The following TTPA variants were observed in gnomAD, a reference collection of about 807,000 sequenced individuals.
TTPA encodes alpha-tocopherol transfer protein.
A neutral mutation model predicts 25.9 loss-of-function variants in TTPA; 23 were observed. That is an observed-to-expected ratio of 0.89 (90% confidence interval 0.64 to 1.26). The LOEUF (loss-of-function observed/expected upper bound fraction) is 1.26, where lower values mean the gene tolerates loss of function less well. Ranked by LOEUF, TTPA falls within the 50% of genes most tolerant of loss-of-function variation. TTPA has a pLI of 0.00. For missense variants in TTPA, 337 were observed against 353.1 expected, an observed-to-expected ratio of 0.95 and a Z score of 0.37; for synonymous variants, 148 against 137.3, an observed-to-expected ratio of 1.08 and a Z score of -0.54.
chr8:63,075,717 A>AAAG (rs1805552609), intron 1 of TTPA, among the ~76,000 whole-genome samples: 10 of 147,144 alleles, frequency 6.8e-5, no homozygotes, highest in African/African-American at 1.5e-4. Flanking sequence ...AAAAAAAAAA[A>AAAG]AAAAGTAAAG....
intron 3 of TTPA, among the ~76,000 whole-genome samples, chr8:63,065,466 G>T (rs966889581): frequency 6.6e-6 from 1 of 151,952 alleles, no homozygotes; most frequent in Non-Finnish European, 1.5e-5. Flanking sequence ...TTATTCCTTA[G>T]CTAGTTTCCC....
intron 4 of TTPA, 113 bp from the exon 5 acceptor site, chr8:63,061,538 G>T: frequency 1.1e-6 from 1 of 870,312 alleles, no homozygotes; most frequent in Non-Finnish European, 1.8e-6. Flanking sequence ...TGTATAAATA[G>T]ATACCACATC....
chr8:63,064,661 A>G (rs555194733), intron 3 of TTPA, among the ~76,000 whole-genome samples: 1 of 152,346 alleles, frequency 6.6e-6, no homozygotes, highest in African/African-American at 2.4e-5. Flanking sequence ...TTCCCAAAAA[A>G]TGTTTATTTT....
At chr8:63,077,778 TC>T (rs1236998814) in intron 1 of TTPA, among the ~76,000 whole-genome samples, 1 of 152,142 alleles carries the variant, frequency 6.6e-6, no homozygotes, top group East Asian at 1.9e-4. Context: ...GACTTAAACG[TC>T]CCTGTCTGAC....
chr8:63,061,294 C>A lies in TTPA; in HGVS notation c.795G>T (p.Lys265Asn), dbSNP rs1218351311. Residue 265 changes from lysine (K) to asparagine (N), a missense_variant, in exon 5 of 5, where the codon AAG (lysine) becomes AAT (asparagine). Coordinates refer to ENST00000260116, the MANE Select transcript of TTPA (RefSeq NM_000370.3). ...ICQEWTNFIM[K>N]SEDYLSSISE... ...AAATGCTGCTGAGATAATCTTCAGACTTCATTATAAAATTTGTCCATTCCT... is the reference window on the plus strand; with the variant it reads ...AAATGCTGCTGAGATAATCTTCAGAATTCATTATAAAATTTGTCCATTCCT... The A allele has an allele frequency of 3.7e-6, 6 of 1,613,734 alleles. No homozygotes were observed. The highest frequency in any genetic ancestry group is 5.1e-6 in the Non-Finnish European group (6 of 1,179,934).
At chr8:63,084,106 G>A (rs1805709064) in intron 1 of TTPA, among the ~76,000 whole-genome samples, 1 of 152,028 alleles carries the variant, frequency 6.6e-6, no homozygotes, top group African/African-American at 2.4e-5. Context: ...GGCTGTTCGT[G>A]AGCTCCTGAG....
At chr8:63,081,049 T>G (rs1805656565) in intron 1 of TTPA, among the ~76,000 whole-genome samples, 1 of 149,498 alleles carries the variant, frequency 6.7e-6, no homozygotes, top group African/African-American at 2.5e-5. Context: ...AACAGACAAA[T>G]TCTAACAGAG....
At chr8:63,085,784 C>T (rs1397207488) in intron 1 of TTPA, 34 bp downstream of exon 1, 1 of 1,529,256 alleles carries the variant, frequency 6.5e-7, no homozygotes, top group South Asian at 1.2e-5. Flanking sequence ...GGGTGAGGTG[C>T]GCACTGCCGA....
Position 63,059,778 on chromosome 8 carries a change from ATTTATT to A in TTPA, c.*1468_*1473del, listed in dbSNP as rs1170277972. ...GTACATCTTTACCGGTTATTTATTTATTTATTTTTATTTTTATTTTTTAATTTTTTT... is the reference window on the plus strand; with the variant it reads ...GTACATCTTTACCGGTTATTTATTTATTTATTTTTATTTTTTAATTTTTTT... On this transcript the variant is annotated 3_prime_UTR_variant, in exon 5 of 5. Coordinates refer to ENST00000260116, the MANE Select transcript of TTPA (RefSeq NM_000370.3). 2 of 152,000 alleles carry A rather than the reference ATTTATT, an allele frequency of 1.3e-5. No homozygotes were observed. The highest frequency in any genetic ancestry group is 2.9e-5 in the Non-Finnish European group (2 of 67,996). The allele number at this position is 152,000 out of a possible 1,614,324, so 9.4% of individuals were successfully genotyped here.
intron 1 of TTPA, 82 bp downstream of exon 1, chr8:63,085,736 G>A: frequency 6.7e-7 from 1 of 1,486,432 alleles, no homozygotes; most frequent in Non-Finnish European, 9.0e-7. Context: ...GCTTCGGCAG[G>A]GGTCAGATAT....
At chr8:63,075,452 G>A (rs1805546797) in intron 1 of TTPA, among the ~76,000 whole-genome samples, 1 of 152,074 alleles carries the variant, frequency 6.6e-6, no homozygotes, top group Non-Finnish European at 1.5e-5. Flanking sequence ...AGGCACAGTG[G>A]CTCATGCCTG....
At chr8:63,082,311 A>G (rs1431325567) in intron 1 of TTPA, among the ~76,000 whole-genome samples, 1 of 152,202 alleles carries the variant, frequency 6.6e-6, no homozygotes, top group East Asian at 1.9e-4. Context: ...CCAATGGAAC[A>G]GAACAGAGGC....
At chr8:63,063,505 CATT>C (rs33940810) in intron 4 of TTPA, among the ~76,000 whole-genome samples, 73,130 of 151,594 alleles carry the variant, frequency 0.48, 18,998 homozygotes, top group African/African-American at 0.7. Context: ...TTTTTATTTG[CATT>C]AATAATAAAT....
In TTPA at chr8:63,062,216, AT is replaced by A. The variant is rs1279040616; in HGVS notation, c.664-792del. On this transcript the variant is annotated intron_variant, in intron 4 of 4. Transcript: ENST00000260116. ...AGAATTAAAAGAATTAAAAAGTCAA[AT>A]TTTAAAAAAGTATTAAAAAACAATT... is the stretch of plus-strand genomic sequence containing the variant. 3.3e-5 allele frequency among the ~76,000 whole-genome samples: 5 copies of A among 152,148 alleles called. No individual in the cohort carries two copies. The South Asian group carries it at 8.3e-4, about 25-fold the overall frequency.
Position 63,059,602 on chromosome 8 carries a change from A to G in TTPA, c.*1650T>C, listed in dbSNP as rs891372640. Among the ~76,000 whole-genome samples the G allele has an allele frequency of 2.6e-5, 4 of 152,136 alleles. No homozygotes were observed. Among genetic ancestry groups the G allele is most frequent in the African/African-American group, 9.6e-5 (4 of 41,452 alleles). On this transcript the variant is annotated 3_prime_UTR_variant, in exon 5 of 5. Coordinates refer to ENST00000260116, the MANE Select transcript of TTPA (RefSeq NM_000370.3). ...AAATGTTCAACAGATTTTGGACCCC[A>G]TATTCTACATTTTCAAGTTTATAAC... is the stretch of plus-strand genomic sequence containing the variant.
chr8:63,085,916 G>GGGCCCGGCGCCGCAGCGCCGCCA lies in TTPA; in HGVS notation c.83_105dup (p.Arg36TrpfsTer43). Reference sequence around the variant, plus strand: ...GGCGCGAGCGGGACGCCAGCTTCCCGGGCCCGGCGCCGCAGCGCCGCCAGG... The same window carrying GGGCCCGGCGCCGCAGCGCCGCCA: ...GGCGCGAGCGGGACGCCAGCTTCCCGGGCCCGGCGCCGCAGCGCCGCCAGGCCCGGCGCCGCAGCGCCGCCAGG... On this transcript the variant is annotated frameshift_variant, in exon 1 of 5. Coordinates refer to ENST00000260116, the MANE Select transcript of TTPA (RefSeq NM_000370.3). LOFTEE classifies it high-confidence loss of function. 3 of 1,524,848 alleles carry GGGCCCGGCGCCGCAGCGCCGCCA rather than the reference G, an allele frequency of 2.0e-6. No individual in the cohort carries two copies. Among genetic ancestry groups the GGGCCCGGCGCCGCAGCGCCGCCA allele is most frequent in the Non-Finnish European group, 2.6e-6 (3 of 1,141,930 alleles). 94.5% of individuals were successfully genotyped at this position (1,524,848 alleles called of 1,614,324 possible).
At position 63,064,270 on chromosome 8, in the gene TTPA, G is replaced by A. The variant is rs1412094773; in HGVS notation, c.599C>T (p.Pro200Leu). ...KVRGIHLINEPVIFHAVFSMI... is the reference protein window; with the variant it reads ...KVRGIHLINELVIFHAVFSMI... ...GGAAAAGACAGCATGGAAAATTACT[G>A]GTTCATTTATCAAATGGATGCCACG... is the stretch of plus-strand genomic sequence containing the variant. The change falls in exon 4 of 5, where the codon CCA (proline) becomes CTA (leucine). Residue 200 changes from proline (P) to leucine (L), a missense_variant. Pro to Leu is a moderately conservative substitution (Grantham distance 98). Transcript: ENST00000260116. 1.2e-6 allele frequency: 2 copies of A among 1,612,804 alleles called. No individual in the cohort carries two copies. The highest frequency in any genetic ancestry group is 2.7e-5 in the African/African-American group (2 of 74,824).
intron 3 of TTPA, 86 bp from the exon 4 acceptor site, chr8:63,064,402 T>C: frequency 1.1e-6 from 1 of 904,232 alleles, no homozygotes; most frequent in Non-Finnish European, 1.8e-6. Context: ...GAACACTTGC[T>C]AAGCTTATGG....
At chr8:63,073,199 G>T in intron 1 of TTPA, 111 bp from the exon 2 acceptor site, 2 of 856,110 alleles carry the variant, frequency 2.3e-6, no homozygotes, top group Non-Finnish European at 3.7e-6. Context: ...ATTATGTCAA[G>T]AGTTTAATCT....
Sources: allele counts gnomAD v4.1 joint callset (sites outside exome capture counted in the v4.1 genomes callset), GRCh38; gene constraint gnomAD v4.1.1; transcripts MANE v1.5; gene names NCBI Gene and HGNC (gene_info 2026-07-23, HGNC 2026-07-21).